The following KIAA1671 variants were observed in gnomAD, a reference collection of about 807,000 sequenced individuals.
KIAA1671 encodes the protein KIAA1671, also known as uncharacterized protein KIAA1671.
A neutral mutation model predicts 131.2 loss-of-function variants in KIAA1671; 52 were observed. The observed-to-expected ratio is 0.40, with a 90% CI of 0.32 to 0.50. The LOEUF is 0.50. Among genes scored for constraint, KIAA1671 ranks in the 20% least tolerant of loss-of-function variants. The probability of loss-of-function intolerance (pLI) is 0.73; values close to 1 mark genes in which losing one functional copy is unlikely to be tolerated. For synonymous variants in KIAA1671, 1,003 were observed against 961.6 expected, an observed-to-expected ratio of 1.04 and a Z score of -0.80; for missense variants, 2,360 against 2,364.2, an observed-to-expected ratio of 1.00 and a Z score of 0.04.
chr22:25,048,456 G>A (rs1032682516), intron 5 of KIAA1671, among the ~76,000 whole-genome samples: 4 of 152,170 alleles, frequency 2.6e-5, no homozygotes, highest in Non-Finnish European at 2.9e-5. Flanking sequence ...GTCTCTGAAG[G>A]CATCCAGAAA....
intron 1 of KIAA1671, among the ~76,000 whole-genome samples, chr22:24,977,131 A>G (rs1231029714): frequency 3.3e-5 from 5 of 152,190 alleles, no homozygotes; most frequent in Non-Finnish European, 7.3e-5. Flanking sequence ...TGTTGTCGGC[A>G]GCTGTTATTA....
chr22:25,172,675 G>A (rs1199847615), intron 7 of KIAA1671, among the ~76,000 whole-genome samples: 1 of 152,168 alleles, frequency 6.6e-6, no homozygotes, highest in African/African-American at 2.4e-5. Flanking sequence ...TTAATATGTG[G>A]ATGGAGGCAG....
chr22:24,960,166 T>A (rs1452439058), intron 1 of KIAA1671, among the ~76,000 whole-genome samples: 10 of 144,002 alleles, frequency 6.9e-5, no homozygotes, highest in Admixed American at 4.8e-4. Context: ...AATAAATAAA[T>A]AAAATAAAAC....
In KIAA1671 at chr22:25,031,520, C is replaced by T. The variant is rs556578230; in HGVS notation, c.1542-1089C>T. Among the ~76,000 whole-genome samples the T allele has an allele frequency of 5.3e-5, 8 of 150,122 alleles. No individual in the cohort carries two copies. In the South Asian group the frequency reaches 1.5e-3, roughly 28 times the overall value. ...CTAATTTTTGTATTTTTAGTAGAGA[C>T]GGGGTTTCACCATGTTAGTCAGGCT... On this transcript the variant is annotated intron_variant, in intron 3 of 12. Transcript: ENST00000358431.
intron 1 of KIAA1671, chr22:25,010,554 A>C (rs1412445622): frequency 6.6e-6 from 1 of 152,076 alleles, no homozygotes; most frequent in East Asian, 1.9e-4. Flanking sequence ...TTTTACATGC[A>C]CTATCTCTTT....
At chr22:25,175,512 C>T (rs1933992636) in intron 8 of KIAA1671, 1 of 152,154 alleles carries the variant, frequency 6.6e-6, no homozygotes, top group Admixed American at 6.5e-5. Context: ...ATTGGGGAAC[C>T]CCATTATATA....
intron 6 of KIAA1671, among the ~76,000 whole-genome samples, chr22:25,099,464 C>A (rs1452142733): frequency 1.3e-5 from 2 of 150,216 alleles, no homozygotes; most frequent in African/African-American, 4.9e-5. Flanking sequence ...ATCGGAGCAG[C>A]CTTTGGATGA....
At chr22:24,987,126 C>T (rs1286457578) in intron 1 of KIAA1671, among the ~76,000 whole-genome samples, 1 of 151,246 alleles carries the variant, frequency 6.6e-6, no homozygotes, top group Non-Finnish European at 1.5e-5. Context: ...TCATGAAATA[C>T]TGTTCTTTTG....
At chr22:25,153,505 C>T (rs1465809754) in intron 6 of KIAA1671, among the ~76,000 whole-genome samples, 1 of 152,216 alleles carries the variant, frequency 6.6e-6, no homozygotes, top group East Asian at 1.9e-4. Flanking sequence ...GCAATATACC[C>T]ATGCATTGCC....
intron 1 of KIAA1671, among the ~76,000 whole-genome samples, chr22:24,992,814 C>CAAAAAAAA (rs761181079): frequency 0.03 from 1,722 of 57,280 alleles, 256 homozygotes; most frequent in Non-Finnish European, 0.04. Flanking sequence ...GACTCCGTCT[C>CAAAAAAAA]AAAAAAAAAA....
chr22:25,098,631 C>T (rs538770139), intron 6 of KIAA1671, among the ~76,000 whole-genome samples: 4 of 61,626 alleles, frequency 6.5e-5, no homozygotes, highest in Admixed American at 5.8e-4. Flanking sequence ...GTGGAGGGGG[C>T]GGGGGGGGGT....
At position 24,995,254 on chromosome 22, in the gene KIAA1671, A is replaced by G. The variant is rs375727335; in HGVS notation, c.-207-30379A>G. Among the ~76,000 whole-genome samples the G allele has an allele frequency of 2.5e-3, 379 of 151,552 alleles. 2 individuals are homozygous for G. The highest frequency in any genetic ancestry group is 7.9e-3 in the African/African-American group (326 of 41,268). Reference sequence around the variant, plus strand: ...TTTTTAGTAGAGACAGGGTTTCGCCATGTTAGCCAGGATGGTCTCGATCTC... The same window carrying G: ...TTTTTAGTAGAGACAGGGTTTCGCCGTGTTAGCCAGGATGGTCTCGATCTC... On this transcript the variant is annotated intron_variant, in intron 1 of 12. Coordinates refer to ENST00000358431, the MANE Select transcript of KIAA1671 (RefSeq NM_001145206.2).
chr22:24,975,957 T>C (rs1036656231), intron 1 of KIAA1671, among the ~76,000 whole-genome samples: 6 of 151,828 alleles, frequency 4.0e-5, no homozygotes, highest in African/African-American at 1.2e-4. Flanking sequence ...CCATCCACAC[T>C]CCCCGCCACT....
chr22:25,084,904 C>T (rs73159913), intron 6 of KIAA1671, among the ~76,000 whole-genome samples: 276 of 152,344 alleles, frequency 1.8e-3, no homozygotes, highest in Middle Eastern at 6.8e-3. Context: ...CTCCTGGTGG[C>T]GTGGGCTTCC....
chr22:24,966,553 A>G lies in KIAA1671; in HGVS notation c.-208+13781A>G, dbSNP rs1033732251. ...CTTTCATTTTAGGCCCCAGCACTGG[A>G]AAGTGCTTGTCTTTGTTTCTAGAAT... On this transcript the variant is annotated intron_variant, in intron 1 of 12. Transcript: ENST00000358431. Among the ~76,000 whole-genome samples, 4 of 152,202 alleles carry G rather than the reference A, an allele frequency of 2.6e-5. No individual in the cohort carries two copies. In the South Asian group the frequency reaches 8.3e-4, roughly 32 times the overall value.
rs565695157 is a variant in KIAA1671 at position 24,961,797 on chromosome 22, T to C, written c.-208+9025T>C. Reference sequence around the variant, plus strand: ...GCAATAATAGAACCTGCCACAATTATGTTTCTGATGGGGTAGGACGGGTCC... The same window carrying C: ...GCAATAATAGAACCTGCCACAATTACGTTTCTGATGGGGTAGGACGGGTCC... On this transcript the variant is annotated intron_variant, in intron 1 of 12. Transcript: ENST00000358431. Among the ~76,000 whole-genome samples, 7 of 152,340 alleles carry C rather than the reference T, an allele frequency of 4.6e-5. No homozygotes were observed. The South Asian group carries it at 1.4e-3, about 32-fold the overall frequency.
At chr22:25,089,200 G>T (rs1929890441) in intron 6 of KIAA1671, among the ~76,000 whole-genome samples, 1 of 150,578 alleles carries the variant, frequency 6.6e-6, no homozygotes, top group Non-Finnish European at 1.5e-5. Context: ...GTGGATTTAT[G>T]TATCTGTGGG....
intron 6 of KIAA1671, 180 bp downstream of exon 6, chr22:25,049,544 G>A (rs1457256502): frequency 1.5e-6 from 1 of 660,876 alleles, no homozygotes. Flanking sequence ...TTGATGTGGA[G>A]GGTGTTTGGT....
chr22:25,047,618 G>A (rs962055777), intron 5 of KIAA1671, among the ~76,000 whole-genome samples: 1 of 151,746 alleles, frequency 6.6e-6, no homozygotes, highest in Non-Finnish European at 1.5e-5. Context: ...GATTACAGGC[G>A]CTCGCCACCA....
Sources: allele counts gnomAD v4.1 joint callset (sites outside exome capture counted in the v4.1 genomes callset), GRCh38; gene constraint gnomAD v4.1.1; transcripts MANE v1.5; gene names NCBI Gene and HGNC (gene_info 2026-07-23, HGNC 2026-07-21).